Variants in CHRM3 observed in about 807,000 individuals in gnomAD.
CHRM3 encodes cholinergic receptor muscarinic 3.
Under a neutral mutation model 41.8 loss-of-function variants are expected in CHRM3, and 11 were observed. That is an observed-to-expected ratio of 0.26 (90% CI 0.17 to 0.44). The LOEUF (loss-of-function observed/expected upper bound fraction) is 0.44. Ranked by LOEUF, CHRM3 falls within the 20% of genes least tolerant of loss-of-function variation. The pLI is 1.00. For missense variants in CHRM3, 571 were observed against 745.4 expected, an observed-to-expected ratio of 0.77 and a Z score of 2.72; for synonymous variants, 297 against 301.4, an observed-to-expected ratio of 0.99 and a Z score of 0.15.
intron 3 of CHRM3, among the ~76,000 whole-genome samples, chr1:239,618,910 T>C (rs1452455616): frequency 2.0e-5 from 1 of 48,920 alleles, no homozygotes; most frequent in Admixed American, 2.0e-4. Flanking sequence ...TTTTATGATT[T>C]ATTTATTTAT....
intron 1 of CHRM3, among the ~76,000 whole-genome samples, chr1:239,441,906 T>G (rs1404727398): frequency 6.6e-6 from 1 of 152,206 alleles, no homozygotes; most frequent in African/African-American, 2.4e-5. Context: ...TAAAAGTCTT[T>G]GATAGCAAAT....
At chr1:239,646,704 T>C (rs562981003) in intron 4 of CHRM3, among the ~76,000 whole-genome samples, 2 of 152,214 alleles carry the variant, frequency 1.3e-5, no homozygotes, top group South Asian at 4.1e-4. Flanking sequence ...TGTGTGGATG[T>C]GGGTGTGTGG....
chr1:239,401,919 C>T (rs897972327), intron 1 of CHRM3, among the ~76,000 whole-genome samples: 1 of 152,144 alleles, frequency 6.6e-6, no homozygotes, highest in Non-Finnish European at 1.5e-5. Context: ...TCTTCTGACT[C>T]CATGTCTAAG....
intron 5 of CHRM3, among the ~76,000 whole-genome samples, chr1:239,743,328 G>A (rs111393056): frequency 2.2e-4 from 34 of 152,062 alleles, no homozygotes; most frequent in Non-Finnish European, 3.8e-4. Flanking sequence ...TACTCTCTCA[G>A]ACAAGGGACA....
chr1:239,583,012 C>T (rs144464402), intron 3 of CHRM3, among the ~76,000 whole-genome samples: 1 of 152,334 alleles, frequency 6.6e-6, no homozygotes, highest in African/African-American at 2.4e-5. Context: ...TGAGTGCTCA[C>T]TCATACCTGT....
At chr1:239,420,937 A>G (rs974626890) in intron 1 of CHRM3, among the ~76,000 whole-genome samples, 1 of 152,162 alleles carries the variant, frequency 6.6e-6, no homozygotes, top group Non-Finnish European at 1.5e-5. Context: ...AACTTATCAA[A>G]TCTCTTACAA....
At chr1:239,886,689 C>G (rs1678099047) in intron 6 of CHRM3, 1 of 152,162 alleles carries the variant, frequency 6.6e-6, no homozygotes, top group Non-Finnish European at 1.5e-5. Flanking sequence ...TTCCAGATCT[C>G]TAATTAAGAA....
intron 3 of CHRM3, among the ~76,000 whole-genome samples, chr1:239,562,438 G>A (rs1406820789): frequency 6.6e-6 from 1 of 152,074 alleles, no homozygotes; most frequent in Non-Finnish European, 1.5e-5. Flanking sequence ...GGATGCCAAA[G>A]CCCAAACTGT....
intron 1 of CHRM3, among the ~76,000 whole-genome samples, chr1:239,462,832 G>C (rs1043185446): frequency 2.0e-5 from 3 of 152,158 alleles, no homozygotes; most frequent in Admixed American, 6.5e-5. Context: ...AAATTCCATA[G>C]TGGGAAGTAC....
At chr1:239,843,949 CACAT>C (rs1572466207) in intron 6 of CHRM3, among the ~76,000 whole-genome samples, 1 of 151,970 alleles carries the variant, frequency 6.6e-6, no homozygotes, top group African/African-American at 2.4e-5. Flanking sequence ...TATATAGACA[CACAT>C]ACACATATGC....
chr1:239,452,613 CA>C (rs1407240284), intron 1 of CHRM3, among the ~76,000 whole-genome samples: 3 of 152,072 alleles, frequency 2.0e-5, no homozygotes, highest in African/African-American at 7.2e-5. Context: ...TGTCTGCAAA[CA>C]AAGAATTAAT....
At position 239,701,597 on chromosome 1, in the gene CHRM3, C is replaced by T. The variant is rs77189142; in HGVS notation, c.-147+23309C>T. ...TCAGCTATCTGGCTCTTACCTCTCACGTTCTCATCCATCCTGCATAACATT... is the reference window on the plus strand; with the variant it reads ...TCAGCTATCTGGCTCTTACCTCTCATGTTCTCATCCATCCTGCATAACATT... On this transcript the variant is annotated intron_variant, in intron 5 of 6. Coordinates refer to ENST00000676153, the MANE Select transcript of CHRM3 (RefSeq NM_001375978.1). Among the ~76,000 whole-genome samples the T allele has an allele frequency of 9.2e-3, 1,400 of 152,318 alleles. 13 individuals carry two copies. The highest frequency in any genetic ancestry group is 0.015 in the Non-Finnish European group (1,039 of 68,014).
intron 6 of CHRM3, among the ~76,000 whole-genome samples, chr1:239,874,293 A>ATATATATATATATATATATACACAG (rs1558198948): frequency 3.1e-4 from 21 of 67,056 alleles, no homozygotes; most frequent in Non-Finnish European, 5.2e-4. Flanking sequence ...CAGTATATAT[A>ATATATATATATATATATATACACAG]TATATATATA....
At chr1:239,891,935 G>A (rs574630359) in intron 6 of CHRM3, among the ~76,000 whole-genome samples, 1 of 152,188 alleles carries the variant, frequency 6.6e-6, no homozygotes, top group Non-Finnish European at 1.5e-5. Context: ...GGTATAGCAA[G>A]GTGTGTCTGA....
chr1:239,405,728 C>A (rs1660542582), intron 1 of CHRM3, among the ~76,000 whole-genome samples: 1 of 152,042 alleles, frequency 6.6e-6, no homozygotes, highest in African/African-American at 2.4e-5. Context: ...TCAAAATGCA[C>A]CTCTTGATGT....
rs550646739 is a variant in CHRM3 at position 239,695,263 on chromosome 1, G to A, written c.-147+16975G>A. 1.6e-4 allele frequency among the ~76,000 whole-genome samples: 25 copies of A among 152,150 alleles called. No homozygotes were observed. The East Asian group carries it at 1.9e-3, about 12-fold the overall frequency. The stretch of plus-strand genomic sequence containing the variant: ...CTGACCTCGTGATCCACCCGCCTCC[G>A]CCTCCCAAAGTGCTGGGATTACAGG... On this transcript the variant is annotated intron_variant, in intron 5 of 6. Coordinates refer to ENST00000676153, the MANE Select transcript of CHRM3 (RefSeq NM_001375978.1).
At chr1:239,411,012 C>T (rs572122419) in intron 1 of CHRM3, among the ~76,000 whole-genome samples, 1 of 152,282 alleles carries the variant, frequency 6.6e-6, no homozygotes, top group Non-Finnish European at 1.5e-5. Context: ...AAAGCACTGC[C>T]TAGATATGTT....
chr1:239,404,025 G>T (rs569755926), intron 1 of CHRM3, among the ~76,000 whole-genome samples: 4 of 137,624 alleles, frequency 2.9e-5, no homozygotes, highest in East Asian at 4.7e-4. Flanking sequence ...TACCTGGCTC[G>T]GTGGCTCACG....
At chr1:239,487,283 G>C (rs1371880940) in intron 1 of CHRM3, among the ~76,000 whole-genome samples, 1 of 151,974 alleles carries the variant, frequency 6.6e-6, no homozygotes, top group Non-Finnish European at 1.5e-5. Context: ...TTCAAATTCA[G>C]TATAATATTA....
Sources: gnomAD v4.1 joint callset for allele counts (sites outside exome capture counted in the v4.1 genomes callset) on GRCh38, gnomAD v4.1.1 for gene constraint, MANE v1.5 for transcripts, NCBI Gene and HGNC (gene_info 2026-07-23, HGNC 2026-07-21) for gene names.